The following SPOCK1 variants were observed in gnomAD, a reference collection of about 807,000 sequenced individuals.
SPOCK1 encodes SPARC (osteonectin), cwcv and kazal like domains proteoglycan 1.
In SPOCK1, 23 loss-of-function variants were observed where a neutral mutation model predicts 55.3. The ratio of observed to expected loss-of-function variants is 0.42; its 90% CI spans 0.30 to 0.59. The LOEUF (loss-of-function observed/expected upper bound fraction) is 0.59. Among genes scored for constraint, SPOCK1 ranks in the 20% least tolerant of loss-of-function variants. SPOCK1 has a pLI of 0.22. For missense variants in SPOCK1, 499 were observed against 552.5 expected (o/e 0.90, Z 0.97); for synonymous variants, 226 against 221.0 (o/e 1.02, Z -0.20).
intron 2 of SPOCK1, among the ~76,000 whole-genome samples, chr5:137,432,653 T>C (rs146039367): frequency 6.6e-6 from 1 of 152,288 alleles, no homozygotes; most frequent in African/African-American, 2.4e-5. Flanking sequence ...CGAAAAAAAT[T>C]CTGGAGCTAG....
At chr5:137,283,889 C>A (rs1258884799) in intron 2 of SPOCK1, among the ~76,000 whole-genome samples, 2 of 152,176 alleles carry the variant, frequency 1.3e-5, no homozygotes, top group African/African-American at 4.8e-5. Flanking sequence ...AGAGCAAGGA[C>A]CCAGGTCCTA....
At chr5:137,425,763 T>A (rs1752595662) in intron 2 of SPOCK1, among the ~76,000 whole-genome samples, 2 of 152,168 alleles carry the variant, frequency 1.3e-5, no homozygotes, top group African/African-American at 4.8e-5. Flanking sequence ...CATGGAAATT[T>A]AGAAAGGATA....
chr5:137,266,746 C>A (rs1381403324), intron 3 of SPOCK1, among the ~76,000 whole-genome samples: 7 of 151,444 alleles, frequency 4.6e-5, no homozygotes, highest in Non-Finnish European at 1.0e-4. Context: ...TCAAATTTCA[C>A]TTTTTTTTTA....
intron 3 of SPOCK1, among the ~76,000 whole-genome samples, chr5:137,226,714 G>T (rs1250366429): frequency 6.6e-6 from 1 of 152,178 alleles, no homozygotes; most frequent in African/African-American, 2.4e-5. Flanking sequence ...TGCATAGGTT[G>T]TTCCCTCTGC....
intron 3 of SPOCK1, among the ~76,000 whole-genome samples, chr5:137,154,553 A>AG (rs946739123): frequency 1.3e-5 from 2 of 152,232 alleles, no homozygotes; most frequent in Admixed American, 6.5e-5. Flanking sequence ...GACCAGGACC[A>AG]GGAAGTATCT....
chr5:137,387,601 G>T (rs1751622388), intron 2 of SPOCK1, among the ~76,000 whole-genome samples: 1 of 152,140 alleles, frequency 6.6e-6, no homozygotes, highest in Non-Finnish European at 1.5e-5. Context: ...TAGTCTGTAG[G>T]ACACTATTAA....
At chr5:137,347,973 T>C (rs1012684188) in intron 2 of SPOCK1, among the ~76,000 whole-genome samples, 1 of 152,184 alleles carries the variant, frequency 6.6e-6, no homozygotes, top group Non-Finnish European at 1.5e-5. Context: ...TCTGATTCAG[T>C]AGGTCAGCAG....
chr5:137,308,174 G>A (rs1234082632), intron 2 of SPOCK1, among the ~76,000 whole-genome samples: 1 of 152,082 alleles, frequency 6.6e-6, no homozygotes, highest in Non-Finnish European at 1.5e-5. Flanking sequence ...GCCAGTGCAG[G>A]GCATGCAAAA....
intron 3 of SPOCK1, among the ~76,000 whole-genome samples, chr5:137,258,245 T>C (rs896078727): frequency 1.3e-5 from 2 of 152,212 alleles, no homozygotes; most frequent in East Asian, 3.8e-4. Context: ...AGCTAGAAAA[T>C]GAACCCATTC....
chr5:137,044,615 C>T (rs1357140029), intron 6 of SPOCK1, among the ~76,000 whole-genome samples: 2 of 152,004 alleles, frequency 1.3e-5, no homozygotes, highest in African/African-American at 4.8e-5. Context: ...TGTTTAGCAA[C>T]AGTGAGACAT....
At chr5:137,262,281 C>T (rs1452237141) in intron 3 of SPOCK1, among the ~76,000 whole-genome samples, 1 of 152,112 alleles carries the variant, frequency 6.6e-6, no homozygotes, top group Non-Finnish European at 1.5e-5. Flanking sequence ...GTGACAATAC[C>T]TTTATTATTT....
chr5:137,226,011 C>A (rs1358333585), intron 3 of SPOCK1, among the ~76,000 whole-genome samples: 3 of 152,188 alleles, frequency 2.0e-5, no homozygotes, highest in Non-Finnish European at 4.4e-5. Context: ...GACTGTTGGG[C>A]TGACCCAAGG....
intron 2 of SPOCK1, among the ~76,000 whole-genome samples, chr5:137,461,713 T>A (rs1310518725): frequency 1.3e-5 from 2 of 152,128 alleles, no homozygotes; most frequent in Non-Finnish European, 2.9e-5. Context: ...GAAAATTTCA[T>A]CCTAACCTAG....
chr5:137,240,519 C>T (rs114468595), intron 3 of SPOCK1, among the ~76,000 whole-genome samples: 201 of 152,254 alleles, frequency 1.3e-3, no homozygotes, highest in African/African-American at 4.5e-3. Flanking sequence ...CCAGTGATCC[C>T]GACACCTCCC....
intron 3 of SPOCK1, among the ~76,000 whole-genome samples, chr5:137,149,529 A>C (rs1308480707): frequency 6.6e-6 from 1 of 152,234 alleles, no homozygotes. Flanking sequence ...AGCATAGTAA[A>C]AATCAAATAT....
intron 2 of SPOCK1, among the ~76,000 whole-genome samples, chr5:137,409,122 G>A (rs1482959603): frequency 6.6e-6 from 1 of 152,092 alleles, no homozygotes; most frequent in Non-Finnish European, 1.5e-5. Flanking sequence ...AAAGTGTCAT[G>A]ACCACCCACC....
chr5:137,143,611 G>A (rs1247586979), intron 3 of SPOCK1, among the ~76,000 whole-genome samples: 1 of 152,160 alleles, frequency 6.6e-6, no homozygotes, highest in Non-Finnish European at 1.5e-5. Flanking sequence ...GTTAATATCT[G>A]TAAGTACTTA....
intron 2 of SPOCK1, among the ~76,000 whole-genome samples, chr5:137,364,424 A>T (rs1313076647): frequency 6.6e-6 from 1 of 152,218 alleles, no homozygotes; most frequent in Non-Finnish European, 1.5e-5. Context: ...GAATCTGCAC[A>T]AAGCCAAAGA....
chr5:137,297,514 G>A (rs929677071), intron 2 of SPOCK1, among the ~76,000 whole-genome samples: 7 of 152,294 alleles, frequency 4.6e-5, no homozygotes, highest in Admixed American at 2.6e-4. Flanking sequence ...TCTATAGCAG[G>A]CATGAATTGT....
Sources: allele counts gnomAD v4.1 joint callset (sites outside exome capture counted in the v4.1 genomes callset), GRCh38; gene constraint gnomAD v4.1.1; transcripts MANE v1.5; gene names NCBI Gene and HGNC (gene_info 2026-07-23, HGNC 2026-07-21).